AKAP9: variants seen among roughly 807,000 people sequenced by gnomAD.
AKAP9 encodes A-kinase anchoring protein 9.
AKAP9 carries 311 observed loss-of-function variants against 488.5 expected under a neutral mutation model. The observed-to-expected ratio is 0.64, with a 90% CI of 0.58 to 0.70. The LOEUF (loss-of-function observed/expected upper bound fraction) is 0.70, where lower values mean the gene tolerates loss of function less well. Among genes scored for constraint, AKAP9 ranks in the 30% least tolerant of loss-of-function variants. AKAP9 has a pLI of 0.00. For synonymous variants in AKAP9, 1,462 were observed against 1,483.5 expected, an observed-to-expected ratio of 0.99 and a Z score of 0.33; for missense variants, 4,215 against 4,374.5, an observed-to-expected ratio of 0.96 and a Z score of 1.03.
At chr7:92,061,601 T>C (rs1809826670) in intron 23 of AKAP9, among the ~76,000 whole-genome samples, 179 bp downstream of exon 23, 1 of 140,548 alleles carries the variant, frequency 7.1e-6, no homozygotes, top group Non-Finnish European at 1.5e-5. Flanking sequence ...TATATATATA[T>C]ATATATATAT....
rs1048028478 is a variant in AKAP9, at chr7:92,001,178, C to T, written c.1261C>T (p.Arg421Ter). The part of the protein sequence containing the change: ...DSQFETDIVQ[R>*]MEQETQRKLE... ...CCAGTTCGAAACTGATATAGTACAACGAATGGAACAAGAAACACAAAGAAA... is the reference window on the plus strand; with the variant it reads ...CCAGTTCGAAACTGATATAGTACAATGAATGGAACAAGAAACACAAAGAAA... The change falls in exon 8 of 50, where the codon CGA becomes TGA. Residue 421 changes from arginine (R) to a stop codon, truncating the protein, a stop_gained. Coordinates refer to ENST00000356239, the MANE Select transcript of AKAP9 (RefSeq NM_005751.5). LOFTEE classifies it high-confidence loss of function. 5 of 1,613,814 alleles carry T rather than the reference C, an allele frequency of 3.1e-6. No homozygotes were observed. The highest frequency in any genetic ancestry group is 1.1e-5 in the South Asian group (1 of 91,064).
At chr7:92,047,200 A>T (rs1204110371) in intron 21 of AKAP9, among the ~76,000 whole-genome samples, 3 of 152,144 alleles carry the variant, frequency 2.0e-5, no homozygotes, top group Non-Finnish European at 2.9e-5. Flanking sequence ...ATCCTATTTT[A>T]AGATACAGTA....
At chr7:91,968,195 C>T (rs976157555) in intron 1 of AKAP9, among the ~76,000 whole-genome samples, 5 of 152,176 alleles carry the variant, frequency 3.3e-5, no homozygotes, top group African/African-American at 7.2e-5. Context: ...CCACTTGCTT[C>T]GGCCTCTGAA....
At chr7:92,075,797 T>C (rs745366905) in intron 28 of AKAP9, among the ~76,000 whole-genome samples, 1 of 152,252 alleles carries the variant, frequency 6.6e-6, no homozygotes, top group Non-Finnish European at 1.5e-5. Flanking sequence ...TGATACTGTT[T>C]AGGAAATACT....
intron 46 of AKAP9, among the ~76,000 whole-genome samples, chr7:92,104,136 T>C (rs1159332655): frequency 3.9e-5 from 6 of 152,172 alleles, no homozygotes. Flanking sequence ...GGAATTTTGC[T>C]TTTTAAAGTT....
chr7:92,077,028 T>G, intron 29 of AKAP9, 21 bp downstream of exon 29: 1 of 1,445,360 alleles, frequency 6.9e-7, no homozygotes, highest in Non-Finnish European at 9.4e-7. Flanking sequence ...AAGAAAAACT[T>G]TTATCTGTAA....
At chr7:92,078,916 G>A (rs993518463) in intron 30 of AKAP9, among the ~76,000 whole-genome samples, 163 bp from the exon 31 acceptor site, 1 of 152,118 alleles carries the variant, frequency 6.6e-6, no homozygotes, top group African/African-American at 2.4e-5. Context: ...TGATATGATG[G>A]GGGAGATATT....
chr7:92,092,885 A>C (rs983365923), intron 38 of AKAP9: 27 of 497,866 alleles, frequency 5.4e-5, no homozygotes, highest in African/African-American at 4.7e-4. Context: ...GGCCTTAAGC[A>C]GTCCTCCCTC....
rs983043384 is a variant in AKAP9 at position 92,079,050 on chromosome 7, T to G, written c.6946-29T>G. ...TCAAAATGTAAATACATATATATTA[T>G]GTATGTTACCTTTTTCATTAATTAT... is the stretch of plus-strand genomic sequence containing the variant. On this transcript the variant is annotated intron_variant, in intron 30 of 49. Coordinates refer to ENST00000356239, the MANE Select transcript of AKAP9 (RefSeq NM_005751.5). 11 of 1,461,628 alleles carry G rather than the reference T, an allele frequency of 7.5e-6. No homozygotes were observed. The African/African-American group carries it at 1.6e-4, about 21-fold the overall frequency. 90.5% of individuals were successfully genotyped at this position (1,461,628 alleles called of 1,614,324 possible). A position where few individuals can be genotyped will look rare whatever the true frequency, so the allele number is the denominator to read the frequency against.
chr7:92,107,314 T>G lies in AKAP9; in HGVS notation c.11438T>G (p.Phe3813Cys). 1 of 1,613,974 alleles carries G rather than the reference T, an allele frequency of 6.2e-7. No homozygotes were observed. Among genetic ancestry groups the G allele is most frequent in the South Asian group, 1.1e-5 (1 of 91,078 alleles). ...TTAGGTGCAGAAAAGACTGACTCAT[T>G]TTATCATTCTTCTGGTGGGCTGGAG... Reference protein sequence around the residue: ...LNQGAEKTDSFYHSSGGLELY... With the variant: ...LNQGAEKTDSCYHSSGGLELY... The change falls in exon 48 of 50, where the codon TTT becomes TGT. Residue 3813 changes from phenylalanine to cysteine, a missense_variant. Physicochemically the swap from Phe to Cys is radical, Grantham distance 205 (BLOSUM62 -2). This residue lies in a region of AKAP9 where 253 missense variants were observed against 266.8 expected (regional missense o/e 0.95). Coordinates refer to ENST00000356239, the MANE Select transcript of AKAP9 (RefSeq NM_005751.5).
chr7:91,979,158 G>T (rs1796081506), intron 2 of AKAP9, among the ~76,000 whole-genome samples: 1 of 151,914 alleles, frequency 6.6e-6, no homozygotes, highest in Non-Finnish European at 1.5e-5. Flanking sequence ...GTGGAGAGTT[G>T]TATCATTCCA....
chr7:92,007,314 A>C (rs1254064431), intron 8 of AKAP9, among the ~76,000 whole-genome samples: 1 of 106,842 alleles, frequency 9.4e-6, no homozygotes, highest in Admixed American at 1.4e-4. Flanking sequence ...TTTTTTTGAG[A>C]CAGAGTCTCA....
chr7:92,042,329 A>C, intron 19 of AKAP9, 143 bp downstream of exon 19: 1 of 1,065,834 alleles, frequency 9.4e-7, no homozygotes, highest in East Asian at 2.5e-5. Context: ...AGGTAGGTGG[A>C]GTCAAAATGC....
intron 22 of AKAP9, 46 bp downstream of exon 22, chr7:92,053,004 A>AT (rs1563055352): frequency 6.9e-7 from 1 of 1,446,032 alleles, no homozygotes; most frequent in East Asian, 2.3e-5. Context: ...GAAGTACAAT[A>AT]TACTATCCCA....
chr7:92,075,550 A>C (rs543307581), intron 28 of AKAP9, among the ~76,000 whole-genome samples: 6 of 152,340 alleles, frequency 3.9e-5, no homozygotes, highest in Non-Finnish European at 7.3e-5. Flanking sequence ...GATAGTTTAG[A>C]GTGGAAGATT....
intron 24 of AKAP9, among the ~76,000 whole-genome samples, chr7:92,064,941 T>TG (rs1385296518): frequency 6.6e-6 from 1 of 152,068 alleles, no homozygotes; most frequent in Non-Finnish European, 1.5e-5. Flanking sequence ...AATAGATTTT[T>TG]TTTTTTTGGT....
chr7:92,045,469 T>C (rs986564498), intron 21 of AKAP9, among the ~76,000 whole-genome samples: 1 of 152,146 alleles, frequency 6.6e-6, no homozygotes, highest in Non-Finnish European at 1.5e-5. Context: ...GTTACATTTC[T>C]CCACCGATAA....
In AKAP9 at chr7:92,089,257, T is replaced by C. The variant is rs1815115937; in HGVS notation, c.9214-128T>C. The C allele has an allele frequency of 3.0e-5, 28 of 936,602 alleles. No homozygotes were observed. In the South Asian group the frequency reaches 3.8e-4, roughly 13 times the overall value. The allele number at this position is 936,602 out of a possible 1,614,324, so 58.0% of individuals were successfully genotyped here. On this transcript the variant is annotated intron_variant, in intron 37 of 49. Transcript: ENST00000356239. ...CCTCATACATTTTGGAAAGGAAAAA[T>C]AAGAAAATTTTTTAAAAAAGAAAAT...
chr7:92,007,317 G>A (rs1235317681), intron 8 of AKAP9, among the ~76,000 whole-genome samples: 7 of 100,792 alleles, frequency 6.9e-5, no homozygotes, highest in African/African-American at 2.0e-4. Context: ...TTTTGAGACA[G>A]AGTCTCACTC....
Sources: gnomAD v4.1 joint callset for allele counts (sites outside exome capture counted in the v4.1 genomes callset) on GRCh38, gnomAD v4.1.1 for gene constraint, gnomAD v4.1.1 regional missense constraint, MANE v1.5 for transcripts, NCBI Gene and HGNC (gene_info 2026-07-23, HGNC 2026-07-21) for gene names.